The following CTNNA2 variants were observed in gnomAD, a reference collection of about 807,000 sequenced individuals.
CTNNA2 encodes catenin alpha-2.
CTNNA2 carries 42 observed loss-of-function variants against 101.0 expected under a neutral mutation model. The observed-to-expected ratio is 0.42, with a 90% CI of 0.32 to 0.54. CTNNA2 has a LOEUF of 0.54. Ranked by LOEUF, CTNNA2 falls within the 20% of genes least tolerant of loss-of-function variation. The pLI is 0.14. For missense variants in CTNNA2, 871 were observed against 1,223.1 expected (o/e 0.71, Z 4.29); for synonymous variants, 450 against 456.4 (o/e 0.99, Z 0.18).
At chr2:79,948,865 G>A (rs1255582172) in intron 7 of CTNNA2, among the ~76,000 whole-genome samples, 1 of 152,186 alleles carries the variant, frequency 6.6e-6, no homozygotes, top group Non-Finnish European at 1.5e-5. Flanking sequence ...CTACTCAGGA[G>A]GCTAAGGCAG....
chr2:79,292,189 A>C (rs1308985400), intron 2 of CTNNA2, among the ~76,000 whole-genome samples: 1 of 152,120 alleles, frequency 6.6e-6, no homozygotes, highest in Non-Finnish European at 1.5e-5. Flanking sequence ...TAAAGTTTGG[A>C]ATGGCTGCTC....
At chr2:79,706,451 G>C (rs2104785593) in intron 2 of CTNNA2, among the ~76,000 whole-genome samples, 1 of 151,872 alleles carries the variant, frequency 6.6e-6, no homozygotes, top group Middle Eastern at 3.5e-3. Flanking sequence ...GTGGGTTTGG[G>C]GGAAAAAACC....
At chr2:79,582,342 A>G (rs1676199348) in intron 1 of CTNNA2, among the ~76,000 whole-genome samples, 1 of 152,204 alleles carries the variant, frequency 6.6e-6, no homozygotes, top group Non-Finnish European at 1.5e-5. Context: ...AGTTGCTTAT[A>G]TCAGTATCTG....
intron 1 of CTNNA2, among the ~76,000 whole-genome samples, chr2:79,520,919 T>G (rs1416114454): frequency 6.6e-6 from 1 of 151,864 alleles, no homozygotes; most frequent in Non-Finnish European, 1.5e-5. Context: ...TTTCTCTTAA[T>G]GTTAAAAATA....
At chr2:79,778,991 C>T (rs1293270095) in intron 3 of CTNNA2, among the ~76,000 whole-genome samples, 1 of 152,092 alleles carries the variant, frequency 6.6e-6, no homozygotes, top group Non-Finnish European at 1.5e-5. Context: ...TCCTAGGGTC[C>T]TAAGACATAG....
At chr2:80,641,610 T>A (rs1255501328) in intron 18 of CTNNA2, among the ~76,000 whole-genome samples, 1 of 152,152 alleles carries the variant, frequency 6.6e-6, no homozygotes, top group Non-Finnish European at 1.5e-5. Context: ...TAAAGCAAGC[T>A]GTTACAAAAT....
chr2:80,346,920 C>T (rs1672787616), intron 7 of CTNNA2, among the ~76,000 whole-genome samples: 1 of 152,180 alleles, frequency 6.6e-6, no homozygotes, highest in African/African-American at 2.4e-5. Flanking sequence ...GAATTTTGCC[C>T]TCAGCACTTC....
chr2:79,192,394 T>C (rs1673886443), intron 1 of CTNNA2, among the ~76,000 whole-genome samples: 4 of 152,250 alleles, frequency 2.6e-5, no homozygotes, highest in Non-Finnish European at 5.9e-5. Context: ...GTTCCTCACT[T>C]ACATAAATGA....
intron 17 of CTNNA2, among the ~76,000 whole-genome samples, chr2:80,617,272 C>T (rs1370884753): frequency 6.8e-6 from 1 of 146,772 alleles, no homozygotes; most frequent in Non-Finnish European, 1.5e-5. Context: ...TCAGAAAATC[C>T]CTAACTTATA....
At chr2:79,851,194 G>T (rs1445617257) in intron 3 of CTNNA2, among the ~76,000 whole-genome samples, 2 of 152,206 alleles carry the variant, frequency 1.3e-5, no homozygotes, top group African/African-American at 4.8e-5. Flanking sequence ...CTTCTGTGGT[G>T]TTGTCCACCT....
intron 2 of CTNNA2, among the ~76,000 whole-genome samples, chr2:79,712,117 A>G (rs1685777494): frequency 6.6e-6 from 1 of 152,176 alleles, no homozygotes; most frequent in Non-Finnish European, 1.5e-5. Context: ...TGTGCTGACT[A>G]CTTTATATGT....
chr2:80,165,666 G>T (rs1704632894), intron 7 of CTNNA2, among the ~76,000 whole-genome samples: 1 of 152,130 alleles, frequency 6.6e-6, no homozygotes, highest in Admixed American at 6.5e-5. Context: ...TCTTAGTGGG[G>T]ATGACCGGAT....
intron 7 of CTNNA2, among the ~76,000 whole-genome samples, chr2:80,181,978 G>C (rs1195864040): frequency 6.6e-6 from 1 of 152,076 alleles, no homozygotes; most frequent in African/African-American, 2.4e-5. Context: ...ACCACTCTTG[G>C]TGACAACATC....
At chr2:79,618,780 G>A (rs1211714026) in intron 1 of CTNNA2, among the ~76,000 whole-genome samples, 1 of 152,226 alleles carries the variant, frequency 6.6e-6, no homozygotes, top group Non-Finnish European at 1.5e-5. Flanking sequence ...GAGAGAAAAT[G>A]GAGTAGGAGT....
At chr2:79,925,169 G>T (rs965085151) in intron 7 of CTNNA2, among the ~76,000 whole-genome samples, 3 of 151,864 alleles carry the variant, frequency 2.0e-5, no homozygotes, top group African/African-American at 7.3e-5. Context: ...GCATTTATTT[G>T]TTTACTAAAG....
At chr2:79,978,533 G>A (rs149920588) in intron 7 of CTNNA2, among the ~76,000 whole-genome samples, 23 of 152,234 alleles carry the variant, frequency 1.5e-4, no homozygotes, top group Admixed American at 7.8e-4. Context: ...CATGTAAAGC[G>A]TTAGTCACCA....
At chr2:79,334,704 T>C (rs1381739839) in intron 3 of CTNNA2, among the ~76,000 whole-genome samples, 2 of 152,126 alleles carry the variant, frequency 1.3e-5, no homozygotes, top group Non-Finnish European at 2.9e-5. Flanking sequence ...GGCGATTCTT[T>C]GACATCAGTT....
chr2:80,331,144 T>A (rs1353390530), intron 7 of CTNNA2, among the ~76,000 whole-genome samples: 1 of 152,096 alleles, frequency 6.6e-6, no homozygotes, highest in Non-Finnish European at 1.5e-5. Flanking sequence ...GCAGCCCTTT[T>A]ATCTAACAAG....
At chr2:79,516,835 C>G (rs1671833747) in intron 1 of CTNNA2, among the ~76,000 whole-genome samples, 1 of 152,136 alleles carries the variant, frequency 6.6e-6, no homozygotes, top group South Asian at 2.1e-4. Context: ...AGAACTCTCC[C>G]TCATTTTTCC....
Sources: allele counts gnomAD v4.1 joint callset (sites outside exome capture counted in the v4.1 genomes callset), GRCh38; gene constraint gnomAD v4.1.1; transcripts MANE v1.5; gene names NCBI Gene and HGNC (gene_info 2026-07-23, HGNC 2026-07-21).